The following PTPRF variants were observed in gnomAD, a reference collection of about 807,000 sequenced individuals.
The protein encoded by PTPRF is receptor-type tyrosine-protein phosphatase F.
A neutral mutation model predicts 201.8 loss-of-function variants in PTPRF; 59 were observed. The observed-to-expected ratio is 0.29, with a 90% CI of 0.24 to 0.36. The LOEUF (loss-of-function observed/expected upper bound fraction) is 0.36. PTPRF is among the 10% of genes least tolerant of loss of function. The pLI, the probability that PTPRF is intolerant of heterozygous loss-of-function variation, is 1.00. For missense variants in PTPRF, 2,132 were observed against 2,690.5 expected, an observed-to-expected ratio of 0.79 and a Z score of 4.59; for synonymous variants, 1,088 against 1,089.7, an observed-to-expected ratio of 1.00 and a Z score of 0.03.
upstream of PTPRF, among the ~76,000 whole-genome samples, chr1:43,522,704 G>A (rs1039785569): frequency 6.6e-6 from 1 of 152,194 alleles, no homozygotes; most frequent in South Asian, 2.1e-4. Context: ...GGGGTGGAAA[G>A]TCTTCTAGAA....
intron 6 of PTPRF, among the ~76,000 whole-genome samples, chr1:43,576,574 G>C (rs768292328): frequency 6.6e-6 from 1 of 152,232 alleles, no homozygotes; most frequent in African/African-American, 2.4e-5. Flanking sequence ...CAGCCTAAGA[G>C]TTAAAAGCAC....
chr1:43,584,814 C>T (rs116074500), intron 7 of PTPRF, among the ~76,000 whole-genome samples: 1 of 152,158 alleles, frequency 6.6e-6, no homozygotes, highest in Non-Finnish European at 1.5e-5. Flanking sequence ...CCCCTCATCC[C>T]CTCCTTAATG....
intron 19 of PTPRF, among the ~76,000 whole-genome samples, 183 bp from the exon 20 acceptor site, chr1:43,606,057 G>A (rs511616): frequency 0.015 from 2,298 of 152,312 alleles, 63 homozygotes; most frequent in African/African-American, 0.053. Context: ...TCATGGGCTG[G>A]TGGGGAGGAG....
At position 43,609,488 on chromosome 1, in the gene PTPRF, C is replaced by T. The variant is rs1031666781; in HGVS notation, c.3963C>T (p.Tyr1321=). 6 of 1,613,426 alleles carry T rather than the reference C, an allele frequency of 3.7e-6. No homozygotes were observed. Among genetic ancestry groups the T allele is most frequent in the Non-Finnish European group, 5.1e-6 (6 of 1,179,656 alleles). ...SDPVEMRRLN[Y]QTPGMRDHPP... ...CTGTGGAGATGCGGAGGCTCAACTA[C>T]CAGACCCCAGGTAGGGCACTCCTAT... The change falls in exon 22 of 34, where the codon TAC becomes TAT. Residue 1321 remains tyrosine, a synonymous_variant. Coordinates refer to ENST00000359947, the MANE Select transcript of PTPRF (RefSeq NM_002840.5).
intron 5 of PTPRF, among the ~76,000 whole-genome samples, chr1:43,559,366 TGTG>T (rs1423033538): frequency 7.2e-5 from 11 of 151,918 alleles, no homozygotes; most frequent in South Asian, 2.1e-4. Context: ...CAGTGCGTGG[TGTG>T]GTGGTAAGCA....
At chr1:43,585,065 G>A (rs1648774632) in intron 7 of PTPRF, among the ~76,000 whole-genome samples, 1 of 152,232 alleles carries the variant, frequency 6.6e-6, no homozygotes, top group South Asian at 2.1e-4. Flanking sequence ...GATGCACAGG[G>A]AACGGTAATA....
chr1:43,541,055 C>T (rs1367013953), intron 2 of PTPRF, among the ~76,000 whole-genome samples: 3 of 152,212 alleles, frequency 2.0e-5, no homozygotes, highest in East Asian at 3.9e-4. Flanking sequence ...CTCTCCCTGC[C>T]GACAGGCTCT....
intron 1 of PTPRF, among the ~76,000 whole-genome samples, chr1:43,532,115 CCCT>C (rs925834247): frequency 6.6e-6 from 1 of 152,142 alleles, no homozygotes; most frequent in Non-Finnish European, 1.5e-5. Context: ...GTCTCTGTCT[CCCT>C]CCTTAAGTCT....
intron 13 of PTPRF, among the ~76,000 whole-genome samples, chr1:43,600,897 C>G (rs1016312842): frequency 4.6e-5 from 7 of 152,098 alleles, no homozygotes; most frequent in Admixed American, 4.6e-4. Flanking sequence ...CTTGCTCTGC[C>G]TCTAGCGCAG....
At chr1:43,566,003 G>A (rs1646150636) in intron 5 of PTPRF, among the ~76,000 whole-genome samples, 2 of 152,244 alleles carry the variant, frequency 1.3e-5, no homozygotes, top group African/African-American at 4.8e-5. Flanking sequence ...GGTGCATCCC[G>A]GGGTTGGAAA....
intron 6 of PTPRF, among the ~76,000 whole-genome samples, chr1:43,573,977 CTTTTTTTTTTTTTTTTTTTTTTTT>C (rs77543816): frequency 0.011 from 718 of 63,926 alleles, 12 homozygotes; most frequent in South Asian, 0.03. Context: ...TGTGTGGGTT[CTTTTTTTTTTTTTTTTTTTTTTTT>C]TTTTTTTTTT....
chr1:43,573,015 C>T (rs945668889), intron 6 of PTPRF, among the ~76,000 whole-genome samples: 1 of 152,140 alleles, frequency 6.6e-6, no homozygotes, highest in Non-Finnish European at 1.5e-5. Context: ...TGAGCCACAG[C>T]ACATCTAACC....
intron 8 of PTPRF, among the ~76,000 whole-genome samples, chr1:43,589,826 C>T (rs1465829422): frequency 6.6e-6 from 1 of 151,248 alleles, no homozygotes; most frequent in Non-Finnish European, 1.5e-5. Flanking sequence ...GCCATGATCA[C>T]ACCACTGCAC....
chr1:43,607,193 A>T (rs1367450584), intron 21 of PTPRF, among the ~76,000 whole-genome samples: 1 of 152,198 alleles, frequency 6.6e-6, no homozygotes. Context: ...GGCGTGAGGA[A>T]CTAAAGCCTC....
chr1:43,572,180 C>T (rs931225556), intron 6 of PTPRF, among the ~76,000 whole-genome samples: 1 of 152,226 alleles, frequency 6.6e-6, no homozygotes, highest in Non-Finnish European at 1.5e-5. Flanking sequence ...CATCTGGCTC[C>T]AGTTCTGCTC....
At chr1:43,595,249 C>T (rs1050627251) in intron 11 of PTPRF, among the ~76,000 whole-genome samples, 2 of 152,158 alleles carry the variant, frequency 1.3e-5, no homozygotes, top group African/African-American at 4.8e-5. Context: ...GTTGCTCTGT[C>T]TCCCAGGCTG....
intron 13 of PTPRF, among the ~76,000 whole-genome samples, chr1:43,600,527 C>T (rs1166133282): frequency 6.6e-6 from 1 of 151,862 alleles, no homozygotes; most frequent in East Asian, 1.9e-4. Context: ...TGGTCCCGAG[C>T]GTGGCCACAG....
chr1:43,589,195 A>G (rs1408633024), intron 8 of PTPRF, among the ~76,000 whole-genome samples, 195 bp downstream of exon 8: 1 of 152,022 alleles, frequency 6.6e-6, no homozygotes, highest in Admixed American at 6.6e-5. Flanking sequence ...CTTAATGATA[A>G]TAGTTAAGGC....
chr1:43,558,910 G>C (rs985945868), intron 5 of PTPRF, among the ~76,000 whole-genome samples: 1 of 152,206 alleles, frequency 6.6e-6, no homozygotes, highest in Non-Finnish European at 1.5e-5. Context: ...AAGCCCAGGA[G>C]GCCGCCAGAC....
Sources: gnomAD v4.1 joint callset for allele counts (sites outside exome capture counted in the v4.1 genomes callset) on GRCh38, gnomAD v4.1.1 for gene constraint, MANE v1.5 for transcripts, NCBI Gene and HGNC (gene_info 2026-07-23, HGNC 2026-07-21) for gene names.